The following MACROD2 variants were observed in gnomAD, a reference collection of about 807,000 sequenced individuals.
MACROD2 encodes ADP-ribose glycohydrolase MACROD2.
Under a neutral mutation model 70.4 loss-of-function variants are expected in MACROD2, and 36 were observed. That is an observed-to-expected ratio of 0.51 (90% confidence interval 0.39 to 0.68). The LOEUF (loss-of-function observed/expected upper bound fraction) is 0.68. Among genes scored for constraint, MACROD2 ranks in the 30% least tolerant of loss-of-function variants. The pLI is 0.00. For missense variants in MACROD2, 496 were observed against 538.4 expected (o/e 0.92, Z 0.78); for synonymous variants, 172 against 178.8 (o/e 0.96, Z 0.30).
At chr20:14,866,714 C>G (rs2073431633) in intron 5 of MACROD2, among the ~76,000 whole-genome samples, 1 of 151,978 alleles carries the variant, frequency 6.6e-6, no homozygotes, top group Non-Finnish European at 1.5e-5. Context: ...GTGAGCTTTT[C>G]AGTGTTTGCT....
chr20:15,172,443 G>T (rs576728919), intron 5 of MACROD2, among the ~76,000 whole-genome samples: 51 of 152,154 alleles, frequency 3.4e-4, no homozygotes, highest in Non-Finnish European at 6.5e-4. Flanking sequence ...TCAACATCCA[G>T]TTGTGCAGTC....
chr20:15,023,761 G>A (rs868711816), intron 5 of MACROD2, among the ~76,000 whole-genome samples: 12 of 152,174 alleles, frequency 7.9e-5, no homozygotes, highest in African/African-American at 2.2e-4. Context: ...CCATAGATTC[G>A]CTCCTATGAC....
chr20:15,075,912 C>G (rs1810538637), intron 5 of MACROD2, among the ~76,000 whole-genome samples: 1 of 152,030 alleles, frequency 6.6e-6, no homozygotes, highest in African/African-American at 2.4e-5. Flanking sequence ...AAACCAGGTA[C>G]TTTTAGGAAA....
chr20:15,445,690 C>T (rs939980055), intron 7 of MACROD2, among the ~76,000 whole-genome samples: 5 of 152,122 alleles, frequency 3.3e-5, no homozygotes, highest in African/African-American at 1.2e-4. Context: ...GGAAAGCTTG[C>T]ACAGTTTTTC....
At chr20:15,074,675 T>G (rs1420281542) in intron 5 of MACROD2, among the ~76,000 whole-genome samples, 1 of 152,162 alleles carries the variant, frequency 6.6e-6, no homozygotes, top group Non-Finnish European at 1.5e-5. Context: ...GACACATAGC[T>G]GGTATCCACT....
intron 5 of MACROD2, among the ~76,000 whole-genome samples, chr20:15,208,781 G>T (rs1333692308): frequency 6.6e-6 from 1 of 152,174 alleles, no homozygotes; most frequent in African/African-American, 2.4e-5. Flanking sequence ...AGCTTCCACT[G>T]ACCCAGTAGT....
rs141042858 is a variant in MACROD2 at position 15,930,731 on chromosome 20, G to A, written c.776-2545G>A. Among the ~76,000 whole-genome samples the A allele has an allele frequency of 6.2e-3, 950 of 152,292 alleles. 9 individuals carry two copies. The highest frequency in any genetic ancestry group is 0.021 in the African/African-American group (882 of 41,566). On this transcript the variant is annotated intron_variant, in intron 10 of 17. Transcript: ENST00000684519. ...ATGCCACTCAGATGTCTGTTCTAGG[G>A]AGGGGGGTAGCACACAAGGAACTAA...
intron 5 of MACROD2, among the ~76,000 whole-genome samples, chr20:14,903,484 C>T (rs1479337522): frequency 6.6e-6 from 1 of 152,054 alleles, no homozygotes; most frequent in Non-Finnish European, 1.5e-5. Flanking sequence ...GATGATAACA[C>T]AATTATGCCT....
At chr20:14,215,756 A>T (rs1190838544) in intron 3 of MACROD2, among the ~76,000 whole-genome samples, 1 of 152,114 alleles carries the variant, frequency 6.6e-6, no homozygotes, top group Non-Finnish European at 1.5e-5. Context: ...CATTTCCCTG[A>T]TCATTAGTGA....
intron 3 of MACROD2, among the ~76,000 whole-genome samples, chr20:14,295,453 AG>A (rs1234787825): frequency 6.6e-6 from 1 of 151,704 alleles, no homozygotes; most frequent in African/African-American, 2.4e-5. Flanking sequence ...AGGGGCAGGA[AG>A]GAGAACTGAA....
Position 15,360,788 on chromosome 20 carries a change from G to A in MACROD2, c.541-70617G>A, listed in dbSNP as rs561898208. Among the ~76,000 whole-genome samples the A allele has an allele frequency of 3.3e-5, 5 of 151,832 alleles. No homozygotes were observed. In the East Asian group the frequency reaches 7.7e-4, roughly 23 times the overall value. On this transcript the variant is annotated intron_variant, in intron 6 of 17. Transcript: ENST00000684519. ...TCTCTCCTCAATAGTCTTAATTTGT[G>A]TTTCCCTAATAACTAGTGATGTTGC...
chr20:14,136,360 T>C (rs2054797874), intron 3 of MACROD2, among the ~76,000 whole-genome samples: 1 of 152,164 alleles, frequency 6.6e-6, no homozygotes, highest in Non-Finnish European at 1.5e-5. Context: ...TCCTAGCACT[T>C]TGGGAGGCCG....
At chr20:14,798,337 A>C (rs2122130607) in intron 5 of MACROD2, among the ~76,000 whole-genome samples, 1 of 152,216 alleles carries the variant, frequency 6.6e-6, no homozygotes, top group South Asian at 2.1e-4. Flanking sequence ...GTGTTTTTAA[A>C]GTTTCAATTT....
chr20:15,568,239 C>T (rs6105435), intron 8 of MACROD2, among the ~76,000 whole-genome samples: 2 of 152,176 alleles, frequency 1.3e-5, no homozygotes, highest in African/African-American at 4.8e-5. Flanking sequence ...ACCTCTCATC[C>T]TTTGTGTTTC....
chr20:14,871,321 G>A (rs781746360), intron 5 of MACROD2, among the ~76,000 whole-genome samples: 16 of 152,004 alleles, frequency 1.1e-4, no homozygotes, highest in Non-Finnish European at 1.6e-4. Context: ...TGGACCGCTC[G>A]GCTGAAACTC....
chr20:14,373,639 A>G (rs2083346516), intron 3 of MACROD2, among the ~76,000 whole-genome samples: 1 of 152,190 alleles, frequency 6.6e-6, no homozygotes. Flanking sequence ...ATGCCTCAGA[A>G]TGTGCCTTTT....
chr20:15,588,797 T>C (rs950039451), intron 8 of MACROD2, among the ~76,000 whole-genome samples: 11 of 152,224 alleles, frequency 7.2e-5, no homozygotes, highest in African/African-American at 2.4e-4. Context: ...TTCATATCAC[T>C]ATCAGAATTT....
chr20:14,486,517 TTATTTTA>T (rs1200301235), intron 3 of MACROD2, among the ~76,000 whole-genome samples: 3 of 138,792 alleles, frequency 2.2e-5, no homozygotes, highest in South Asian at 2.5e-4. Context: ...AGCCAACTTT[TTATTTTA>T]TTTTTTTTTT....
intron 5 of MACROD2, among the ~76,000 whole-genome samples, chr20:14,806,032 C>T (rs2072634691): frequency 6.6e-6 from 1 of 151,570 alleles, no homozygotes; most frequent in African/African-American, 2.4e-5. Context: ...AAAAATAGTG[C>T]CTGGTACATA....
Sources: allele counts gnomAD v4.1 joint callset (sites outside exome capture counted in the v4.1 genomes callset), GRCh38; gene constraint gnomAD v4.1.1; transcripts MANE v1.5; gene names NCBI Gene and HGNC (gene_info 2026-07-23, HGNC 2026-07-21).